Variants in SULT1C3 observed in about 807,000 individuals in gnomAD.
The protein encoded by SULT1C3 is sulfotransferase family 1C member 3.
SULT1C3 carries 31 observed loss-of-function variants against 28.4 expected under a neutral mutation model. The ratio of observed to expected loss-of-function variants is 1.09; its 90% CI spans 0.82 to 1.47. The LOEUF (loss-of-function observed/expected upper bound fraction) is 1.47. Ranked by LOEUF, SULT1C3 falls within the 40% of genes most tolerant of loss-of-function variation. The pLI, the probability that SULT1C3 is intolerant of heterozygous loss-of-function variation, is 0.00. For missense variants in SULT1C3, 307 were observed against 272.5 expected (o/e 1.13, Z -0.89); for synonymous variants, 106 against 92.2 (o/e 1.15, Z -0.86).
chr2:108,249,466 C>T (rs1395679718), intron 2 of SULT1C3, among the ~76,000 whole-genome samples: 1 of 151,906 alleles, frequency 6.6e-6, no homozygotes, highest in Non-Finnish European at 1.5e-5. Flanking sequence ...TATTATCTTT[C>T]AACATTCCAG....
chr2:108,242,982 A>T lies in SULT1C3; in HGVS notation c.-8+2899A>T, dbSNP rs191171299. Among the ~76,000 whole-genome samples, 5 of 152,378 alleles carry T rather than the reference A, an allele frequency of 3.3e-5. No individual in the cohort carries two copies. The East Asian group carries it at 9.6e-4, about 29-fold the overall frequency. ...TTTTAATTAAGCTGAGCACTCTTTAAGAAAATCCTTTTAAATCCCTTTTTA... is the reference window on the plus strand; with the variant it reads ...TTTTAATTAAGCTGAGCACTCTTTATGAAAATCCTTTTAAATCCCTTTTTA... On this transcript the variant is annotated intron_variant, in intron 1 of 7. Coordinates refer to ENST00000681802, the MANE Select transcript of SULT1C3 (RefSeq NM_001320878.2).
intron 1 of SULT1C3, among the ~76,000 whole-genome samples, 140 bp downstream of exon 1, chr2:108,240,223 C>T (rs549447691): frequency 3.8e-4 from 58 of 152,290 alleles, no homozygotes; most frequent in African/African-American, 1.3e-3. Flanking sequence ...CCAAATAAAA[C>T]TCAGGTAAGT....
intron 2 of SULT1C3, 120 bp from the exon 3 acceptor site, chr2:108,252,245 T>G: frequency 1.1e-6 from 1 of 926,852 alleles, no homozygotes. Flanking sequence ...CATTTCTGCC[T>G]TGGCAACATT....
chr2:108,241,787 C>A (rs113551720), intron 1 of SULT1C3, among the ~76,000 whole-genome samples: 2,260 of 152,056 alleles, frequency 0.015, 58 homozygotes, highest in African/African-American at 0.051. Context: ...ATAAGCTGGG[C>A]ATGATGGCGG....
chr2:108,258,896 C>A, intron 6 of SULT1C3, 68 bp downstream of exon 6: 1 of 1,312,044 alleles, frequency 7.6e-7, no homozygotes, highest in Non-Finnish European at 1.1e-6. Flanking sequence ...TGTTAAAAAG[C>A]TGTGTCTTTA....
intron 3 of SULT1C3, 38 bp from the exon 4 acceptor site, chr2:108,253,307 C>T (rs1214491065): frequency 7.3e-7 from 1 of 1,370,252 alleles, no homozygotes; most frequent in Non-Finnish European, 9.8e-7. Context: ...TGGCAGAGTG[C>T]CAAGAATAAA....
At position 108,258,774 on chromosome 2, in the gene SULT1C3, G is replaced by T; in HGVS notation, c.567G>T (p.Trp189Cys). ...GGTTTGACCATGTGAAAGGATGGTG[G>T]GCTGCAAAAGACATGCACCGGATCC... ...GSWFDHVKGW[W>C]AAKDMHRILY... Residue 189 changes from tryptophan to cysteine, a missense_variant, in exon 6 of 8, where the codon TGG becomes TGT. Coordinates refer to ENST00000681802, the MANE Select transcript of SULT1C3 (RefSeq NM_001320878.2). The T allele has an allele frequency of 6.2e-7, 1 of 1,612,932 alleles. No homozygotes were observed. The highest frequency in any genetic ancestry group is 8.5e-7 in the Non-Finnish European group (1 of 1,179,366).
chr2:108,255,823 G>T, intron 5 of SULT1C3, 125 bp downstream of exon 5: 1 of 1,223,556 alleles, frequency 8.2e-7, no homozygotes, highest in Non-Finnish European at 1.1e-6. Flanking sequence ...TTGATGATCT[G>T]GGACTGGAGA....
At chr2:108,247,840 C>G (rs1365903046) in intron 2 of SULT1C3, among the ~76,000 whole-genome samples, 1 of 152,108 alleles carries the variant, frequency 6.6e-6, no homozygotes, top group Non-Finnish European at 1.5e-5. Context: ...TCAGAAAAGC[C>G]CAATGACTGA....
rs1675852368 is a variant in SULT1C3 at position 108,255,713 on chromosome 2, A to G, written c.526+15A>G. 1.9e-6 allele frequency: 3 copies of G among 1,606,950 alleles called. No homozygotes were observed. Among genetic ancestry groups the G allele is most frequent in the Non-Finnish European group, 2.6e-6 (3 of 1,176,002 alleles). The stretch of plus-strand genomic sequence containing the variant: ...GTCCGGAAAAGGTGAGTTCAAACTG[A>G]TCTTTTTGGTACCCTCTTTCAGGTG... On this transcript the variant is annotated intron_variant, in intron 5 of 7. Coordinates refer to ENST00000681802, the MANE Select transcript of SULT1C3 (RefSeq NM_001320878.2).
chr2:108,244,608 G>A (rs1303013188), intron 1 of SULT1C3, among the ~76,000 whole-genome samples: 2 of 152,126 alleles, frequency 1.3e-5, no homozygotes, highest in Non-Finnish European at 2.9e-5. Context: ...TGGCTTAGGA[G>A]CAGCATAACT....
At chr2:108,265,292 G>T, downstream of SULT1C3, 2 of 1,613,878 alleles carry the variant, frequency 1.2e-6, no homozygotes, top group South Asian at 1.1e-5. Context: ...TGAAGAATTT[G>T]ACAAGGACTA....
At chr2:108,265,274 G>T (rs1288544399), downstream of SULT1C3, 3 of 1,613,808 alleles carry the variant, frequency 1.9e-6, no homozygotes, top group South Asian at 3.3e-5. Context: ...TTTTACTGTG[G>T]CCCAAAATGA....
intron 2 of SULT1C3, among the ~76,000 whole-genome samples, chr2:108,250,201 G>A (rs1213835487): frequency 6.6e-6 from 1 of 151,442 alleles, no homozygotes; most frequent in Non-Finnish European, 1.5e-5. Context: ...TGGCCAGAAG[G>A]TATAAAGAAC....
chr2:108,264,772 T>A (rs1325878486), downstream of SULT1C3: 11 of 1,519,802 alleles, frequency 7.2e-6, no homozygotes, highest in Non-Finnish European at 9.8e-6. Flanking sequence ...TGGAACATCA[T>A]CCCCAAGGGA....
chr2:108,249,448 C>T (rs1023499697), intron 2 of SULT1C3, among the ~76,000 whole-genome samples: 2 of 151,806 alleles, frequency 1.3e-5, no homozygotes, highest in African/African-American at 4.8e-5. Flanking sequence ...TAATAGTATA[C>T]AAAACTTTAT....
chr2:108,253,527 T>C, intron 4 of SULT1C3, 85 bp downstream of exon 4: 1 of 678,210 alleles, frequency 1.5e-6, no homozygotes, highest in Non-Finnish European at 2.2e-6. Flanking sequence ...TAATATACTT[T>C]GAAAAATATT....
chr2:108,256,006 G>A (rs1250809037), intron 5 of SULT1C3, among the ~76,000 whole-genome samples: 1 of 152,022 alleles, frequency 6.6e-6, no homozygotes, highest in Non-Finnish European at 1.5e-5. Context: ...CCTGGCAGTG[G>A]GAAGGCATGA....
downstream of SULT1C3, chr2:108,264,996 A>G (rs776772708): frequency 6.2e-7 from 1 of 1,609,926 alleles, no homozygotes; most frequent in South Asian, 1.1e-5. Flanking sequence ...CTCCCCTTTT[A>G]TGAGGAAAGG....
Sources: allele counts gnomAD v4.1 joint callset (sites outside exome capture counted in the v4.1 genomes callset), GRCh38; gene constraint gnomAD v4.1.1; transcripts MANE v1.5; gene names NCBI Gene and HGNC (gene_info 2026-07-23, HGNC 2026-07-21).